The following PACRG variants were observed in gnomAD, a reference collection of about 807,000 sequenced individuals.
PACRG encodes parkin coregulated.
In PACRG, 29 loss-of-function variants were observed where a neutral mutation model predicts 29.7. The observed-to-expected ratio is 0.98, with a 90% CI of 0.73 to 1.33. The LOEUF (loss-of-function observed/expected upper bound fraction) is 1.33. PACRG is among the 40% of genes most tolerant of loss of function. The probability of loss-of-function intolerance (pLI) is 0.00; values close to 1 mark genes in which losing one functional copy is unlikely to be tolerated. For missense variants in PACRG, 279 were observed against 316.2 expected (o/e 0.88, Z 0.89); for synonymous variants, 116 against 118.7 (o/e 0.98, Z 0.15).
chr6:162,851,757 T>C (rs1379485342), intron 2 of PACRG, among the ~76,000 whole-genome samples: 1 of 152,108 alleles, frequency 6.6e-6, no homozygotes, highest in Non-Finnish European at 1.5e-5. Context: ...TATTATATGA[T>C]ATGTAAATTA....
At chr6:163,165,053 G>C (rs1000080874) in intron 4 of PACRG, among the ~76,000 whole-genome samples, 1 of 152,020 alleles carries the variant, frequency 6.6e-6, no homozygotes, top group African/African-American at 2.4e-5. Context: ...GTCTATGGGG[G>C]TTTAAAAAAA....
At chr6:163,030,801 A>C (rs933577607) in intron 2 of PACRG, among the ~76,000 whole-genome samples, 6 of 152,178 alleles carry the variant, frequency 3.9e-5, no homozygotes, top group African/African-American at 1.4e-4. Context: ...CTGTCGTGGC[A>C]CTGGTGGGAA....
At chr6:163,075,650 T>G (rs1812474448) in intron 3 of PACRG, among the ~76,000 whole-genome samples, 2 of 152,158 alleles carry the variant, frequency 1.3e-5, no homozygotes, top group Admixed American at 1.3e-4. Flanking sequence ...TAAAAAATGA[T>G]TATTTAATAA....
intron 4 of PACRG, among the ~76,000 whole-genome samples, chr6:163,284,285 G>A (rs1209981796): frequency 3.9e-5 from 6 of 152,132 alleles, no homozygotes; most frequent in African/African-American, 2.4e-5. Context: ...CTGCCAGCCC[G>A]GGGCCAGGCC....
chr6:163,023,583 T>C (rs1470296606), intron 2 of PACRG, among the ~76,000 whole-genome samples: 1 of 152,192 alleles, frequency 6.6e-6, no homozygotes, highest in Non-Finnish European at 1.5e-5. Context: ...TTCTTTTGGG[T>C]ATATACACAG....
intron 2 of PACRG, among the ~76,000 whole-genome samples, chr6:162,895,158 T>C (rs1480401847): frequency 6.7e-6 from 1 of 148,180 alleles, no homozygotes; most frequent in Non-Finnish European, 1.5e-5. Context: ...TGATCTCAGC[T>C]ACTCTGGAGG....
At chr6:163,268,406 A>AAAAAAAAAAAAAAG (rs1053239849) in intron 4 of PACRG, among the ~76,000 whole-genome samples, 1 of 101,150 alleles carries the variant, frequency 9.9e-6, no homozygotes, top group African/African-American at 3.1e-5. Context: ...TCTCAAAGAA[A>AAAAAAAAAAAAAAG]AAAAAAAAGA....
intron 2 of PACRG, among the ~76,000 whole-genome samples, chr6:162,823,993 A>T (rs1476636418): frequency 1.3e-5 from 2 of 152,140 alleles, no homozygotes; most frequent in Non-Finnish European, 2.9e-5. Flanking sequence ...AACTTCTGAC[A>T]CTGAGATAGC....
intron 2 of PACRG, among the ~76,000 whole-genome samples, chr6:162,834,797 C>A (rs1021154491): frequency 3.3e-4 from 50 of 151,858 alleles, no homozygotes; most frequent in African/African-American, 1.1e-3. Flanking sequence ...CCAGAAGGTG[C>A]AATTTCATGT....
chr6:162,844,770 T>C (rs911811702), intron 2 of PACRG, among the ~76,000 whole-genome samples: 1 of 152,244 alleles, frequency 6.6e-6, no homozygotes, highest in Non-Finnish European at 1.5e-5. Context: ...CAATCCTTCA[T>C]TGTCTGCTGT....
chr6:162,958,850 C>T (rs1208656560), intron 2 of PACRG, among the ~76,000 whole-genome samples: 2 of 48,614 alleles, frequency 4.1e-5, no homozygotes, highest in African/African-American at 9.1e-5. Context: ...ATATATAGAG[C>T]ATATATATAT....
chr6:162,767,232 T>C (rs182761377), intron 1 of PACRG, among the ~76,000 whole-genome samples: 1 of 152,136 alleles, frequency 6.6e-6, no homozygotes, highest in East Asian at 1.9e-4. Context: ...TCTACTTAAC[T>C]ATTTGACTTA....
chr6:163,191,595 C>A (rs1780216484), intron 4 of PACRG: 1 of 454,842 alleles, frequency 2.2e-6, no homozygotes, highest in South Asian at 1.6e-5. Context: ...AGCTAAGATA[C>A]ACTCACGAGC....
intron 4 of PACRG, chr6:163,244,922 T>A (rs1015615477): frequency 3.0e-6 from 1 of 335,842 alleles, no homozygotes; most frequent in Non-Finnish European, 6.0e-6. Flanking sequence ...TAATTCCCCG[T>A]TATGCTTCTC....
rs182939142 is a variant in PACRG at position 163,101,364 on chromosome 6, C to T, written c.613+11956C>T. On this transcript the variant is annotated intron_variant, in intron 4 of 4. Coordinates refer to ENST00000366888, the MANE Select transcript of PACRG (RefSeq NM_001080379.2). ...TAGTTGGATATTTATTTGTGTACAT[C>T]GGGTTTTGAGGAGTTCATAGTTTTT... 9 of 981,182 alleles carry T rather than the reference C, an allele frequency of 9.2e-6. No homozygotes were observed. In the East Asian group the frequency reaches 3.4e-4, roughly 37 times the overall value. 60.8% of individuals were successfully genotyped at this position (981,182 alleles called of 1,614,324 possible).
chr6:163,149,579 C>T lies in PACRG; in HGVS notation c.613+60171C>T, dbSNP rs1005994260. 1.2e-4 allele frequency among the ~76,000 whole-genome samples: 18 copies of T among 152,166 alleles called. 1 individual carries two copies. The highest frequency in any genetic ancestry group is 4.3e-4 in the African/African-American group (18 of 41,442). On this transcript the variant is annotated intron_variant, in intron 4 of 4. Coordinates refer to ENST00000366888, the MANE Select transcript of PACRG (RefSeq NM_001080379.2). The stretch of plus-strand genomic sequence containing the variant: ...GACTCCTGGGCGCTTTCCCTTCCGA[C>T]TCCCCGACCCCGCGAGCCTCCCTGC...
intron 2 of PACRG, among the ~76,000 whole-genome samples, chr6:162,846,249 C>T (rs1249460719): frequency 3.3e-5 from 5 of 152,112 alleles, no homozygotes; most frequent in Admixed American, 3.3e-4. Flanking sequence ...CTGGGAGCAG[C>T]CCCAGGGAGC....
chr6:163,120,423 T>C (rs1460170304), intron 4 of PACRG, among the ~76,000 whole-genome samples: 1 of 152,134 alleles, frequency 6.6e-6, no homozygotes, highest in Non-Finnish European at 1.5e-5. Context: ...TTAGGGGCGC[T>C]GTTGGGGTGA....
intron 4 of PACRG, among the ~76,000 whole-genome samples, chr6:163,148,848 C>T (rs1777917847): frequency 1.3e-5 from 2 of 151,874 alleles, no homozygotes; most frequent in Admixed American, 1.3e-4. Flanking sequence ...ATTCCAGCGC[C>T]ACTGGTAACT....
Sources: gnomAD v4.1 joint callset for allele counts (sites outside exome capture counted in the v4.1 genomes callset) on GRCh38, gnomAD v4.1.1 for gene constraint, MANE v1.5 for transcripts, NCBI Gene and HGNC (gene_info 2026-07-23, HGNC 2026-07-21) for gene names.